The following KDM7A variants were observed in gnomAD, a reference collection of about 807,000 sequenced individuals.
KDM7A encodes the protein lysine-specific demethylase 7A.
A neutral mutation model predicts 114.8 loss-of-function variants in KDM7A; 28 were observed. That is an observed-to-expected ratio of 0.24 (90% CI 0.18 to 0.33). The LOEUF (loss-of-function observed/expected upper bound fraction) is 0.33, where lower values mean the gene tolerates loss of function less well. KDM7A is among the 10% of genes least tolerant of loss of function. The probability of loss-of-function intolerance (pLI) is 1.00; values close to 1 mark genes in which losing one functional copy is unlikely to be tolerated. For missense variants in KDM7A, 942 were observed against 1,142.5 expected, an observed-to-expected ratio of 0.82 and a Z score of 2.53; for synonymous variants, 423 against 397.8, an observed-to-expected ratio of 1.06 and a Z score of -0.75.
intron 1 of KDM7A, among the ~76,000 whole-genome samples, chr7:140,146,432 T>C (rs1310417310): frequency 2.0e-5 from 3 of 152,162 alleles, no homozygotes; most frequent in Non-Finnish European, 2.9e-5. Context: ...AGAATCATGA[T>C]AGCTATAACA....
rs375427845 is a variant in KDM7A, at chr7:140,096,995, T to G, written c.2069A>C (p.Gln690Pro). The part of the protein sequence containing the change: ...ESESSGDEKK[Q>P]EITSNFKEES... ...CTCCTTAAAGTTGGATGTTATTTCTTGTTTCTTTTCATCACCTGAACTTTC... is the reference window on the plus strand; with the variant it reads ...CTCCTTAAAGTTGGATGTTATTTCTGGTTTCTTTTCATCACCTGAACTTTC... Residue 690 changes from glutamine to proline, a missense_variant, in exon 16 of 20, where the codon CAA (glutamine) becomes CCA (proline). By Grantham distance (76) the Gln-to-Pro change is moderately conservative. Coordinates refer to ENST00000397560, the MANE Select transcript of KDM7A (RefSeq NM_030647.2). 3 of 1,612,998 alleles carry G rather than the reference T, an allele frequency of 1.9e-6. No individual in the cohort carries two copies. Among genetic ancestry groups the G allele is most frequent in the Non-Finnish European group, 2.5e-6 (3 of 1,179,106 alleles).
intron 1 of KDM7A, among the ~76,000 whole-genome samples, chr7:140,163,172 T>G (rs905076176): frequency 2.6e-5 from 4 of 151,976 alleles, no homozygotes; most frequent in Non-Finnish European, 4.4e-5. Context: ...TTTTTTGTAT[T>G]TTTAGTAGAG....
intron 11 of KDM7A, among the ~76,000 whole-genome samples, chr7:140,107,416 T>C (rs1313924710): frequency 1.3e-5 from 2 of 152,212 alleles, no homozygotes; most frequent in Non-Finnish European, 1.5e-5. Flanking sequence ...GTCTCAGTTG[T>C]TCCTTTCCAT....
chr7:140,124,477 C>T (rs912992674), intron 7 of KDM7A, 144 bp downstream of exon 7: 3 of 581,966 alleles, frequency 5.2e-6, no homozygotes, highest in African/African-American at 3.8e-5. Flanking sequence ...AGGAACAAAA[C>T]ATAAAAGTCC....
rs1278335368 is a variant in KDM7A at position 140,106,968 on chromosome 7, A to G, written c.1428+4127T>C. ...GGACTTGCTTTATGAATCTGGGTGC[A>G]TATATATTTAGGATAGTTAGCTCTT... On this transcript the variant is annotated intron_variant, in intron 11 of 19. Coordinates refer to ENST00000397560, the MANE Select transcript of KDM7A (RefSeq NM_030647.2). Among the ~76,000 whole-genome samples the G allele has an allele frequency of 6.6e-5, 10 of 151,288 alleles. 1 individual carries two copies. Among genetic ancestry groups the G allele is most frequent in the Admixed American group, 6.6e-4 (10 of 15,190 alleles).
intron 7 of KDM7A, among the ~76,000 whole-genome samples, chr7:140,124,010 C>G (rs1281497956): frequency 6.7e-6 from 1 of 149,566 alleles, no homozygotes; most frequent in Non-Finnish European, 1.5e-5. Flanking sequence ...GGGGAGCTTG[C>G]AGTGAGCCGA....
chr7:140,166,569 C>G (rs1219983544), intron 1 of KDM7A, among the ~76,000 whole-genome samples: 1 of 152,074 alleles, frequency 6.6e-6, no homozygotes, highest in African/African-American at 2.4e-5. Flanking sequence ...AACTCCTGGA[C>G]TCACGCCATC....
rs1400469863 is a variant in KDM7A, at chr7:140,131,220, A to C, written c.399-1567T>G. ...TTAAGCCAAGAATGGTTGGATCTCC[A>C]GTTGCCCTCTCTGATGATCAACACG... On this transcript the variant is annotated intron_variant, in intron 3 of 19. Coordinates refer to ENST00000397560, the MANE Select transcript of KDM7A (RefSeq NM_030647.2). Among the ~76,000 whole-genome samples the C allele has an allele frequency of 2.0e-5, 3 of 152,104 alleles. No homozygotes were observed. The East Asian group carries it at 5.8e-4, about 29-fold the overall frequency.
chr7:140,139,222 A>G (rs370267238), intron 1 of KDM7A, 32 bp from the exon 2 acceptor site: 1 of 1,487,960 alleles, frequency 6.7e-7, no homozygotes, highest in Non-Finnish European at 9.4e-7. Context: ...TCAGTATGTA[A>G]GTAAGTTGAA....
At chr7:140,141,455 A>G (rs1334653024) in intron 1 of KDM7A, among the ~76,000 whole-genome samples, 1 of 152,156 alleles carries the variant, frequency 6.6e-6, no homozygotes, top group East Asian at 1.9e-4. Context: ...GCCCAAAACC[A>G]GATCCATGTA....
intron 1 of KDM7A, among the ~76,000 whole-genome samples, chr7:140,170,039 GTT>G (rs1020933055): frequency 2.0e-5 from 3 of 152,180 alleles, no homozygotes; most frequent in African/African-American, 7.2e-5. Context: ...TGAGCTTTTT[GTT>G]TTCTTATAGG....
At chr7:140,145,275 T>G (rs1046917818) in intron 1 of KDM7A, among the ~76,000 whole-genome samples, 1 of 152,012 alleles carries the variant, frequency 6.6e-6, no homozygotes, top group African/African-American at 2.4e-5. Context: ...ACAAGGGAAT[T>G]AAAGGATGAC....
chr7:140,117,248 CA>C (rs1313660307), intron 9 of KDM7A, among the ~76,000 whole-genome samples: 1 of 152,188 alleles, frequency 6.6e-6, no homozygotes, highest in Non-Finnish European at 1.5e-5. Flanking sequence ...AACGTATGGT[CA>C]TACTTTCAAT....
chr7:140,142,511 C>T (rs967593202), intron 1 of KDM7A, among the ~76,000 whole-genome samples: 2 of 151,396 alleles, frequency 1.3e-5, no homozygotes, highest in African/African-American at 4.8e-5. Flanking sequence ...CACATAAAAA[C>T]GTGTACAACC....
At chr7:140,129,193 G>A (rs1818750406) in intron 4 of KDM7A, among the ~76,000 whole-genome samples, 1 of 152,036 alleles carries the variant, frequency 6.6e-6, no homozygotes, top group Non-Finnish European at 1.5e-5. Context: ...CTTCTTCCTG[G>A]TATCTATATC....
chr7:140,174,118 G>C lies in KDM7A; in HGVS notation c.194+2626C>G, dbSNP rs112551146. Among the ~76,000 whole-genome samples the C allele has an allele frequency of 2.7e-3, 401 of 151,252 alleles. 4 individuals carry two copies. The highest frequency in any genetic ancestry group is 9.3e-3 in the African/African-American group (383 of 41,202). ...GGCGGAGTTTGCAGTGAGCAGAGAT[G>C]GCGCCACTGCACTCCAGCCTGGGTG... On this transcript the variant is annotated intron_variant, in intron 1 of 19. Transcript: ENST00000397560.
At chr7:140,165,490 C>T (rs957248838) in intron 1 of KDM7A, among the ~76,000 whole-genome samples, 1 of 152,166 alleles carries the variant, frequency 6.6e-6, no homozygotes, top group Non-Finnish European at 1.5e-5. Flanking sequence ...TCTAAGGTTT[C>T]AGGTACCAGT....
chr7:140,174,658 T>G (rs1794681866), intron 1 of KDM7A, among the ~76,000 whole-genome samples: 1 of 152,194 alleles, frequency 6.6e-6, no homozygotes, highest in South Asian at 2.1e-4. Flanking sequence ...TGGAGTGCAG[T>G]GGCGCGATCT....
At chr7:140,157,720 T>C (rs968405162) in intron 1 of KDM7A, among the ~76,000 whole-genome samples, 1 of 151,644 alleles carries the variant, frequency 6.6e-6, no homozygotes, top group Non-Finnish European at 1.5e-5. Context: ...TCCCAGCACT[T>C]TGGGAGGCTG....
Sources: gnomAD v4.1 joint callset for allele counts (sites outside exome capture counted in the v4.1 genomes callset) on GRCh38, gnomAD v4.1.1 for gene constraint, MANE v1.5 for transcripts, NCBI Gene and HGNC (gene_info 2026-07-23, HGNC 2026-07-21) for gene names.